The following FER1L6 variants were observed in gnomAD, a reference collection of about 807,000 sequenced individuals.
FER1L6 encodes the protein fer-1 like family member 6.
A neutral mutation model predicts 219.2 loss-of-function variants in FER1L6; 177 were observed. That is an observed-to-expected ratio of 0.81 (90% CI 0.71 to 0.91). The LOEUF (loss-of-function observed/expected upper bound fraction) is 0.91. Ranked by LOEUF, FER1L6 falls within the 40% of genes least tolerant of loss-of-function variation. FER1L6 has a pLI of 0.00. For synonymous variants in FER1L6, 768 were observed against 824.3 expected (o/e 0.93, Z 1.17); for missense variants, 2,153 against 2,259.9 (o/e 0.95, Z 0.96).
Position 123,965,183 on chromosome 8 carries a change from C to T in FER1L6, c.198-824C>T, listed in dbSNP as rs1012513752. Among the ~76,000 whole-genome samples, 4 of 152,170 alleles carry T rather than the reference C, an allele frequency of 2.6e-5. 1 individual carries two copies. The highest frequency in any genetic ancestry group is 4.1e-4 in the South Asian group (2 of 4,828). ...AACTAAAGTCCAAAATTGGGGAGAACAATATTCTAACTCAGATCAGTCTGA... is the reference window on the plus strand; with the variant it reads ...AACTAAAGTCCAAAATTGGGGAGAATAATATTCTAACTCAGATCAGTCTGA... On this transcript the variant is annotated intron_variant, in intron 3 of 40. Transcript: ENST00000522917.
At chr8:123,992,055 G>C (rs1816884392) in intron 12 of FER1L6, among the ~76,000 whole-genome samples, 1 of 152,076 alleles carries the variant, frequency 6.6e-6, no homozygotes, top group Non-Finnish European at 1.5e-5. Context: ...TAATGCACTT[G>C]ATCATGGTGT....
chr8:124,026,239 C>A (rs574689441), intron 18 of FER1L6, among the ~76,000 whole-genome samples: 3 of 152,234 alleles, frequency 2.0e-5, no homozygotes, highest in Admixed American at 6.5e-5. Context: ...GTGTCCAAAG[C>A]CTTTACCCCC....
intron 1 of FER1L6, among the ~76,000 whole-genome samples, chr8:123,943,659 T>C (rs1488103397): frequency 1.3e-5 from 2 of 152,116 alleles, no homozygotes; most frequent in Non-Finnish European, 2.9e-5. Context: ...CTGGGCACAG[T>C]CAGGAGCCTT....
chr8:123,888,876 A>C (rs931311494), intron 1 of FER1L6, among the ~76,000 whole-genome samples: 6 of 152,196 alleles, frequency 3.9e-5, no homozygotes, highest in African/African-American at 1.4e-4. Context: ...TGTCTACCAA[A>C]TTGGCTTACA....
Position 124,049,771 on chromosome 8 carries a change from T to C in FER1L6, c.2874+15T>C, listed in dbSNP as rs758777303. On this transcript the variant is annotated intron_variant, in intron 22 of 40. Coordinates refer to ENST00000522917, the MANE Select transcript of FER1L6 (RefSeq NM_001039112.2). ...AACTGCTGCAGGTGAGTGAACCAGA[T>C]GTGGCACGAGATCTATTAGGTCTAC... 3 of 1,613,584 alleles carry C rather than the reference T, an allele frequency of 1.9e-6. No individual in the cohort carries two copies. Among genetic ancestry groups the C allele is most frequent in the African/African-American group, 2.7e-5 (2 of 74,876 alleles).
rs143460997 is a variant in FER1L6 at position 123,977,357 on chromosome 8, G to A, written c.871-60G>A. ...ACTTTATACTTCCAGCTGGCTTGAAGAGTTTTCTGTAGTCAGTCAGTCCCT... is the reference window on the plus strand; with the variant it reads ...ACTTTATACTTCCAGCTGGCTTGAAAAGTTTTCTGTAGTCAGTCAGTCCCT... On this transcript the variant is annotated intron_variant, in intron 9 of 40. Coordinates refer to ENST00000522917, the MANE Select transcript of FER1L6 (RefSeq NM_001039112.2). The A allele has an allele frequency of 2.4e-4, 369 of 1,507,766 alleles. 1 individual carries two copies. In the African/African-American group the frequency reaches 4.5e-3, roughly 18 times the overall value. 93.4% of individuals were successfully genotyped at this position (1,507,766 alleles called of 1,614,324 possible). A position where few individuals can be genotyped will look rare whatever the true frequency, so the allele number is the denominator to read the frequency against.
intron 1 of FER1L6, among the ~76,000 whole-genome samples, chr8:123,887,625 C>G (rs9656950): frequency 8.5e-5 from 13 of 152,318 alleles, no homozygotes; most frequent in African/African-American, 2.6e-4. Context: ...GCAGGTTGAA[C>G]AAGCCCAACT....
At chr8:124,036,813 T>G (rs765589812) in intron 19 of FER1L6, among the ~76,000 whole-genome samples, 1 of 152,224 alleles carries the variant, frequency 6.6e-6, no homozygotes, top group Non-Finnish European at 1.5e-5. Flanking sequence ...TAGAGTGACC[T>G]AATAAACTTT....
chr8:124,060,021 T>C (rs1435830690), intron 22 of FER1L6, 159 bp from the exon 23 acceptor site: 1 of 608,780 alleles, frequency 1.6e-6, no homozygotes, highest in Non-Finnish European at 2.9e-6. Context: ...AATTAATAAA[T>C]AATTAAATAT....
At chr8:124,012,318 A>C (rs764878744) in intron 14 of FER1L6, among the ~76,000 whole-genome samples, 10 of 152,270 alleles carry the variant, frequency 6.6e-5, no homozygotes, top group Non-Finnish European at 1.5e-4. Flanking sequence ...GTCACAGCAC[A>C]TGGAGGTCAC....
At chr8:123,946,664 G>A (rs1368809473) in intron 1 of FER1L6, among the ~76,000 whole-genome samples, 6 of 152,136 alleles carry the variant, frequency 3.9e-5, no homozygotes, top group Non-Finnish European at 7.3e-5. Context: ...CCTCAGGTAC[G>A]AGAGGAGGAG....
At chr8:124,073,057 C>A (rs1339990456) in intron 31 of FER1L6, among the ~76,000 whole-genome samples, 1 of 37,370 alleles carries the variant, frequency 2.7e-5, no homozygotes, top group Non-Finnish European at 5.6e-5. Flanking sequence ...TGCCTCATAC[C>A]TTTTTTCCCC....
chr8:124,108,191 T>C (rs1822857150), intron 39 of FER1L6, among the ~76,000 whole-genome samples: 2 of 151,918 alleles, frequency 1.3e-5, no homozygotes, highest in Admixed American at 1.3e-4. Context: ...GAGACCTTGT[T>C]TATAATAACA....
chr8:123,931,158 G>C (rs1374184656), intron 1 of FER1L6, among the ~76,000 whole-genome samples: 1 of 152,140 alleles, frequency 6.6e-6, no homozygotes, highest in Non-Finnish European at 1.5e-5. Context: ...ATCTCTTATT[G>C]TATCTCATGG....
At chr8:123,969,809 G>A (rs1314998892) in intron 5 of FER1L6, among the ~76,000 whole-genome samples, 3 of 149,840 alleles carry the variant, frequency 2.0e-5, no homozygotes, top group African/African-American at 4.9e-5. Context: ...TGAGGCTGCA[G>A]TGAGCCCTAA....
chr8:123,856,243 G>GTGTATGAGATATATGTATATACATA lies in FER1L6; in HGVS notation c.-8+4079_-8+4080insCATATGTATGAGATATATGTATATA, dbSNP rs1183645827. 1.2e-3 allele frequency among the ~76,000 whole-genome samples: 158 copies of GTGTATGAGATATATGTATATACATA among 126,634 alleles called. 1 individual carries two copies. Among genetic ancestry groups the GTGTATGAGATATATGTATATACATA allele is most frequent in the African/African-American group, 4.8e-3 (146 of 30,650 alleles). 83.1% of individuals were successfully genotyped at this position (126,634 alleles called of 152,430 possible). ...GTGTATGAGATATATGTATATACAT[G>GTGTATGAGATATATGTATATACATA]TGTATGAGATATATGTATATATGTG... On this transcript the variant is annotated intron_variant, in intron 1 of 40. Coordinates refer to ENST00000522917, the MANE Select transcript of FER1L6 (RefSeq NM_001039112.2).
At chr8:124,086,696 A>G (rs149268523) in intron 33 of FER1L6, among the ~76,000 whole-genome samples, 26 of 152,238 alleles carry the variant, frequency 1.7e-4, no homozygotes, top group African/African-American at 6.3e-4. Flanking sequence ...TCCCACCTTC[A>G]TATAATTTCT....
intron 31 of FER1L6, among the ~76,000 whole-genome samples, chr8:124,071,974 T>G (rs546761394): frequency 6.6e-6 from 1 of 152,090 alleles, no homozygotes; most frequent in Non-Finnish European, 1.5e-5. Context: ...CTTAATTACC[T>G]CCCTAAAGCT....
rs894642765 is a variant in FER1L6, at chr8:124,107,240, G to A, written c.5289+3931G>A. Reference sequence around the variant, plus strand: ...TGGGATTACAGGCATGAGCCACCGCGCCCGGCCAAGAGATTATAAGGTTTC... The same window carrying A: ...TGGGATTACAGGCATGAGCCACCGCACCCGGCCAAGAGATTATAAGGTTTC... On this transcript the variant is annotated intron_variant, in intron 39 of 40. Transcript: ENST00000522917. Among the ~76,000 whole-genome samples, 6 of 152,204 alleles carry A rather than the reference G, an allele frequency of 3.9e-5. No homozygotes were observed. The East Asian group carries it at 5.8e-4, about 15-fold the overall frequency.
Sources: allele counts gnomAD v4.1 joint callset (sites outside exome capture counted in the v4.1 genomes callset), GRCh38; gene constraint gnomAD v4.1.1; transcripts MANE v1.5; gene names NCBI Gene and HGNC (gene_info 2026-07-23, HGNC 2026-07-21).